KRABD3: variants seen among roughly 807,000 people sequenced by gnomAD.
KRABD3 encodes the protein KRAB domain containing 3.
chr7:149,731,292 T>C, the KRABD3 span, among the ~76,000 whole-genome samples: 1 of 152,218 alleles, frequency 6.6e-6, no homozygotes, highest in Non-Finnish European at 1.5e-5. Context: ...AGACCCAGGC[T>C]GCACCACATT....
chr7:149,725,809 G>A, the KRABD3 span: 1 of 1,345,390 alleles, frequency 7.4e-7, no homozygotes, highest in African/African-American at 1.5e-5. Flanking sequence ...GGGTCTTCTG[G>A]TGCCCGTGCA....
the KRABD3 span, chr7:149,729,436 G>C: frequency 4.6e-6 from 6 of 1,306,054 alleles, no homozygotes; most frequent in African/African-American, 9.2e-5. Context: ...CAAGGAAATA[G>C]ACTTCCCTCT....
chr7:149,729,990 T>G, the KRABD3 span: 7 of 1,312,860 alleles, frequency 5.3e-6, no homozygotes, highest in South Asian at 1.5e-4. Flanking sequence ...TTTGTCCTCT[T>G]TCTCTGGCAA....
the KRABD3 span, chr7:149,731,796 C>T: frequency 1.3e-6 from 2 of 1,575,576 alleles, no homozygotes; most frequent in Non-Finnish European, 1.7e-6. Flanking sequence ...TGGCTTCCCC[C>T]ATTCCCTCTG....
chr7:149,725,830 C>T, the KRABD3 span: 1 of 1,445,518 alleles, frequency 6.9e-7, no homozygotes, highest in Non-Finnish European at 9.2e-7. Context: ...CCCCATGGCC[C>T]AGGAGTCTCT....
the KRABD3 span, chr7:149,730,697 C>G: frequency 8.5e-7 from 1 of 1,172,610 alleles, no homozygotes; most frequent in South Asian, 1.5e-5. Flanking sequence ...ATTGGCCGTG[C>G]TTTAGTTCCC....
chr7:149,732,120 A>G, the KRABD3 span, among the ~76,000 whole-genome samples: 1 of 152,280 alleles, frequency 6.6e-6, no homozygotes, highest in Non-Finnish European at 1.5e-5. The surrounding 1 kb of genome is among the most constrained non-coding windows in gnomAD (Gnocchi z 4.0). Context: ...CTACGGACTC[A>G]TGGTGGAGAC....
the KRABD3 span, chr7:149,734,004 T>G: frequency 6.2e-7 from 1 of 1,611,154 alleles, no homozygotes; most frequent in Admixed American, 1.7e-5. Context: ...CAGGAAGAAC[T>G]GTGGGGTGGG....
the KRABD3 span, chr7:149,725,894 C>G: frequency 1.3e-5 from 20 of 1,584,918 alleles, no homozygotes; most frequent in Non-Finnish European, 1.5e-5. Flanking sequence ...CAGAAGCGAC[C>G]AGAGAGCCTG....
chr7:149,732,816 C>T, the KRABD3 span, among the ~76,000 whole-genome samples: 2 of 152,028 alleles, frequency 1.3e-5, no homozygotes, highest in Non-Finnish European at 2.9e-5. The surrounding 1 kb of genome is among the most constrained non-coding windows in gnomAD (Gnocchi z 4.0). Context: ...TCCTGGTGCT[C>T]CCACGGCCTT....
At chr7:149,715,795 G>A in the KRABD3 span, among the ~76,000 whole-genome samples, 1 of 152,166 alleles carries the variant, frequency 6.6e-6, no homozygotes, top group Non-Finnish European at 1.5e-5. Flanking sequence ...TGGGGAGAAG[G>A]GAGAGGCTAG....
the KRABD3 span, among the ~76,000 whole-genome samples, chr7:149,721,143 T>C: frequency 6.6e-6 from 1 of 152,220 alleles, no homozygotes; most frequent in Admixed American, 6.5e-5. Flanking sequence ...TGTGCCGCCC[T>C]CTGAGCACAT....
chr7:149,733,898 G>T, the KRABD3 span: 1 of 1,591,536 alleles, frequency 6.3e-7, no homozygotes, highest in Non-Finnish European at 8.5e-7. Context: ...AGCCAGTGCA[G>T]ATGCAGACGT....
At chr7:149,721,066 A>C in the KRABD3 span, 20 of 1,534,832 alleles carry the variant, frequency 1.3e-5, no homozygotes, top group Non-Finnish European at 8.8e-7. Context: ...ACGGCACTGC[A>C]CTGCATGTGG....
the KRABD3 span, chr7:149,722,480 G>GGCCCCC: frequency 1.3e-6 from 2 of 1,528,726 alleles, no homozygotes; most frequent in Non-Finnish European, 1.8e-6. Flanking sequence ...TGGGCGGGGA[G>GGCCCCC]CCCAGCCCTC....
At chr7:149,721,978 G>A in the KRABD3 span, 1 of 368,778 alleles carries the variant, frequency 2.7e-6, no homozygotes, top group Non-Finnish European at 5.2e-6. Context: ...AATTTTGCAT[G>A]TCTGTTTTTA....
chr7:149,721,258 A>G, the KRABD3 span: 1 of 1,241,238 alleles, frequency 8.1e-7, no homozygotes, highest in Non-Finnish European at 1.1e-6. Flanking sequence ...AGTGATGACA[A>G]CACATAGGTG....
the KRABD3 span, chr7:149,715,175 G>C: frequency 8.2e-7 from 1 of 1,225,948 alleles, no homozygotes; most frequent in Non-Finnish European, 1.0e-6. Flanking sequence ...GGGTGAGGCT[G>C]GGCAGGCCTG....
chr7:149,716,648 G>T, the KRABD3 span, among the ~76,000 whole-genome samples: 1 of 152,206 alleles, frequency 6.6e-6, no homozygotes, highest in Non-Finnish European at 1.5e-5. Context: ...AGGCTGAGAT[G>T]GTGAGAGGCC....
Sources: gnomAD v4.1 joint callset for allele counts (sites outside exome capture counted in the v4.1 genomes callset) on GRCh38, gnomAD v4.1.1 for gene constraint, Gnocchi (gnomAD v3.1) non-coding constraint, MANE v1.5 for transcripts, NCBI Gene and HGNC (gene_info 2026-07-23, HGNC 2026-07-21) for gene names.